The following FGFR4 variants were observed in gnomAD, a reference collection of about 807,000 sequenced individuals.
FGFR4 encodes fibroblast growth factor receptor 4.
In FGFR4, 63 loss-of-function variants were observed where a neutral mutation model predicts 89.9. The ratio of observed to expected loss-of-function variants is 0.70; its 90% CI spans 0.57 to 0.86. FGFR4 has a LOEUF of 0.86. Among genes scored for constraint, FGFR4 ranks in the 40% least tolerant of loss-of-function variants. The pLI, the probability that FGFR4 is intolerant of heterozygous loss-of-function variation, is 0.00. For missense variants in FGFR4, 928 were observed against 1,106.7 expected, an observed-to-expected ratio of 0.84 and a Z score of 2.29; for synonymous variants, 486 against 479.4, an observed-to-expected ratio of 1.01 and a Z score of -0.18.
Position 177,095,445 on chromosome 5 carries a change from G to A in FGFR4, c.1630+5G>A. 6.2e-7 allele frequency: 1 copy of A among 1,614,138 alleles called. No individual in the cohort carries two copies. Among genetic ancestry groups the A allele is most frequent in the Non-Finnish European group, 8.5e-7 (1 of 1,179,974 alleles). On this transcript the variant is annotated splice_donor_5th_base_variant and intron_variant, in intron 12 of 17. Coordinates refer to ENST00000292408, the MANE Select transcript of FGFR4 (RefSeq NM_213647.3). The surrounding 1 kb of genome is among the most constrained non-coding windows in gnomAD (Gnocchi z 5.7). The stretch of plus-strand genomic sequence containing the variant: ...TTGGTGTCTGCACCCAGGAAGGTGG[G>A]GCCGAGGCGGGGCTGGCTGCACGGG...
At chr5:177,092,220 G>A in intron 6 of FGFR4, 101 bp from the exon 7 acceptor site, 1 of 1,243,214 alleles carries the variant, frequency 8.0e-7, no homozygotes, top group Non-Finnish European at 1.1e-6. Context: ...AGAAGCTGCA[G>A]AAAGGTCCCT....
Position 177,090,412 on chromosome 5 carries a change from G to T in FGFR4, c.114G>T (p.Leu38=). 6.2e-7 allele frequency: 1 copy of T among 1,603,556 alleles called. No individual in the cohort carries two copies. Among genetic ancestry groups the T allele is most frequent in the Non-Finnish European group, 8.5e-7 (1 of 1,179,912 alleles). ...CAGAGCCCTGCCTGGCTCCCAGCCT[G>T]GAGCAGCAAGAGCAGGAGCTGACAG... The part of the protein sequence containing the change: ...VELEPCLAPS[L]EQQEQELTVA... The change falls in exon 3 of 18, where the codon CTG becomes CTT. Residue 38 remains leucine, a synonymous_variant. Transcript: ENST00000292408.
Position 177,095,770 on chromosome 5 carries a change from C to T in FGFR4, c.1821+47C>T. 1 of 1,491,874 alleles carries T rather than the reference C, an allele frequency of 6.7e-7. No homozygotes were observed. Among genetic ancestry groups the T allele is most frequent in the Non-Finnish European group, 8.9e-7 (1 of 1,117,956 alleles). The allele number at this position is 1,491,874 out of a possible 1,614,324, so 92.4% of individuals were successfully genotyped here. On this transcript the variant is annotated intron_variant, in intron 13 of 17. Coordinates refer to ENST00000292408, the MANE Select transcript of FGFR4 (RefSeq NM_213647.3). The surrounding 1 kb of genome is among the most constrained non-coding windows in gnomAD (Gnocchi z 5.7). ...GCCCCTCTCAGTCTCTCCAGCTCCA[C>T]TCTCAGGCCTGTGGCATTCAATGTC...
chr5:177,090,485 G>A lies in FGFR4; in HGVS notation c.187G>A (p.Gly63Ser), dbSNP rs1582008061. The change falls in exon 3 of 18, where the codon GGT (glycine) becomes AGT (serine). Residue 63 changes from glycine to serine, a missense_variant. Physicochemically the swap from Gly to Ser is moderately conservative, Grantham distance 56. Transcript: ENST00000292408. ...VRLCCGRAER[G>S]GHWYKEGSRL... is the part of the protein sequence containing the mutation. ...TCTGTGCTGTGGGCGGGCTGAGCGT[G>A]GTGGCCACTGGTACAAGGAGGGCAG... The A allele has an allele frequency of 6.3e-7, 1 of 1,588,250 alleles. No individual in the cohort carries two copies. Among genetic ancestry groups the A allele is most frequent in the Non-Finnish European group, 8.6e-7 (1 of 1,166,960 alleles).
At position 177,095,622 on chromosome 5, in the gene FGFR4, C is replaced by T. The variant is rs773674820; in HGVS notation, c.1720C>T (p.Pro574Ser). Residue 574 changes from proline to serine, a missense_variant, in exon 13 of 18, where the codon CCC becomes TCC. Pro to Ser is a moderately conservative substitution (Grantham distance 74, BLOSUM62 -1). This residue lies in a region of FGFR4 where 741 missense variants were observed against 836.9 expected (regional missense o/e 0.89). Transcript: ENST00000292408. The surrounding 1 kb of genome is among the most constrained non-coding windows in gnomAD (Gnocchi z 5.7). ...GCGCCCCCCAGGCCCCGACCTCAGC[C>T]CCGACGGTCCTCGGAGCAGTGAGGG... is the stretch of plus-strand genomic sequence containing the variant. Reference protein sequence around the residue: ...ARRPPGPDLSPDGPRSSEGPL... With the variant: ...ARRPPGPDLSSDGPRSSEGPL... 1 of 1,605,742 alleles carries T rather than the reference C, an allele frequency of 6.2e-7. No homozygotes were observed. The highest frequency in any genetic ancestry group is 2.2e-5 in the East Asian group (1 of 44,564).
At chr5:177,096,766 C>T in intron 16 of FGFR4, 25 bp downstream of exon 16, 2 of 1,557,100 alleles carry the variant, frequency 1.3e-6, no homozygotes, top group Non-Finnish European at 1.7e-6. Flanking sequence ...TGCCCTCGAC[C>T]CCACTTTCCA....
rs1784398864 is a variant in FGFR4 at position 177,092,409 on chromosome 5, G to A, written c.816G>A (p.Lys272=). The A allele has an allele frequency of 1.2e-6, 2 of 1,608,760 alleles. No homozygotes were observed. Among genetic ancestry groups the A allele is most frequent in the East Asian group, 2.2e-5 (1 of 44,678 alleles). ...GCAGCGACGTGGAGCTGCTGTGCAA[G>A]GTGTACAGCGATGCCCAGCCCCACA... is the stretch of plus-strand genomic sequence containing the variant. The part of the protein sequence containing the change: ...VVGSDVELLC[K]VYSDAQPHIQ... Residue 272 remains lysine (K), a synonymous_variant, in exon 7 of 18, where the codon AAG becomes AAA. Transcript: ENST00000292408.
Position 177,093,747 on chromosome 5 carries a change from C to G in FGFR4, c.1491C>G (p.Ala497=). 6.2e-7 allele frequency: 1 copy of G among 1,613,514 alleles called. No homozygotes were observed. Among genetic ancestry groups the G allele is most frequent in the Non-Finnish European group, 8.5e-7 (1 of 1,179,838 alleles). The part of the protein sequence containing the change: ...FGMDPARPDQ[A]STVAVKMLKD... ...TGGACCCTGCCCGGCCTGACCAAGC[C>G]AGCACTGTGGCCGTCAAGATGCTCA... The change falls in exon 11 of 18, where the codon GCC becomes GCG. Residue 497 remains alanine, a synonymous_variant. Coordinates refer to ENST00000292408, the MANE Select transcript of FGFR4 (RefSeq NM_213647.3). The surrounding 1 kb of genome is among the most constrained non-coding windows in gnomAD (Gnocchi z 5.8).
intron 11 of FGFR4, among the ~76,000 whole-genome samples, chr5:177,094,324 A>G (rs1784473541): frequency 1.3e-5 from 2 of 152,158 alleles, no homozygotes; most frequent in South Asian, 4.1e-4. Context: ...AGGATTGTGG[A>G]AAGTGCCTGG....
rs34158682 is a variant in FGFR4 at position 177,095,356 on chromosome 5, G to T, written c.1546G>T (p.Asp516Tyr). The T allele has an allele frequency of 2.5e-6, 4 of 1,614,020 alleles. No homozygotes were observed. The highest frequency in any genetic ancestry group is 2.7e-5 in the African/African-American group (2 of 74,904). Residue 516 changes from aspartate (D) to tyrosine (Y), a missense_variant, in exon 12 of 18, where the codon GAC becomes TAC. Around this residue, in one of 5 missense-constraint regions of FGFR4, gnomAD observed 741 missense variants for 836.9 expected, o/e 0.89. Coordinates refer to ENST00000292408, the MANE Select transcript of FGFR4 (RefSeq NM_213647.3). The surrounding 1 kb of genome is among the most constrained non-coding windows in gnomAD (Gnocchi z 5.7). The part of the protein sequence containing the change: ...KDNASDKDLA[D>Y]LVSEMEVMKL... ...CAACGCCTCTGACAAGGACCTGGCCGACCTGGTCTCGGAGATGGAGGTGAT... is the reference window on the plus strand; with the variant it reads ...CAACGCCTCTGACAAGGACCTGGCCTACCTGGTCTCGGAGATGGAGGTGAT...
chr5:177,095,335 G>C lies in FGFR4; in HGVS notation c.1525G>C (p.Ala509Pro). ...CCCGTCTGCTGCCCTTACAGACAAC[G>C]CCTCTGACAAGGACCTGGCCGACCT... is the stretch of plus-strand genomic sequence containing the variant. Reference protein sequence around the residue: ...TVAVKMLKDNASDKDLADLVS... With the variant: ...TVAVKMLKDNPSDKDLADLVS... Residue 509 changes from alanine (A) to proline (P), a missense_variant, in exon 12 of 18, where the codon GCC becomes CCC. Transcript: ENST00000292408. This position sits in a 1 kb window ranked among gnomAD's most constrained non-coding sequence, Gnocchi z 5.7. 1.2e-6 allele frequency: 2 copies of C among 1,614,074 alleles called. No homozygotes were observed. The highest frequency in any genetic ancestry group is 3.3e-5 in the Admixed American group (2 of 60,026).
Position 177,092,708 on chromosome 5 carries a change from C to T in FGFR4, c.981C>T (p.Asp327=), listed in dbSNP as rs570399481. 57 of 1,614,198 alleles carry T rather than the reference C, an allele frequency of 3.5e-5. No individual in the cohort carries two copies. The highest frequency in any genetic ancestry group is 1.6e-4 in the Middle Eastern group (1 of 6,062). The change falls in exon 8 of 18, where the codon GAC becomes GAT. Residue 327 remains aspartate, a synonymous_variant. Transcript: ENST00000292408. ...ACCTGCGGAACGTGTCAGCCGAGGA[C>T]GCAGGCGAGTACACCTGCCTCGCAG... is the stretch of plus-strand genomic sequence containing the variant. The part of the protein sequence containing the change: ...VLYLRNVSAE[D]AGEYTCLAGN...
chr5:177,093,462 G>C lies in FGFR4; in HGVS notation c.1308G>C (p.Val436=), dbSNP rs1420515601. The change falls in exon 10 of 18, where the codon GTG becomes GTC. Residue 436 remains valine (V), a synonymous_variant. Transcript: ENST00000292408. This position sits in a 1 kb window ranked among gnomAD's most constrained non-coding sequence, Gnocchi z 5.8. The part of the protein sequence containing the change: ...GKSSSSLVRG[V]RLSSSGPALL... ...CAAGCTCATCCCTGGTACGAGGCGTGCGTCTCTCCTCCAGCGGCCCCGCCT... is the reference window on the plus strand; with the variant it reads ...CAAGCTCATCCCTGGTACGAGGCGTCCGTCTCTCCTCCAGCGGCCCCGCCT... 1.9e-6 allele frequency: 3 copies of C among 1,613,930 alleles called. No homozygotes were observed. Among genetic ancestry groups the C allele is most frequent in the African/African-American group, 2.7e-5 (2 of 74,950 alleles).
chr5:177,096,838 C>G (rs1017294824), intron 16 of FGFR4, 97 bp downstream of exon 16: 4 of 1,408,508 alleles, frequency 2.8e-6, no homozygotes, highest in South Asian at 2.7e-5. Context: ...AAGGACAACA[C>G]TAACAACAAC....
intron 6 of FGFR4, among the ~76,000 whole-genome samples, chr5:177,092,028 C>T (rs1208568419): frequency 6.6e-5 from 10 of 152,162 alleles, no homozygotes; most frequent in Admixed American, 5.9e-4. Flanking sequence ...GGGCGCAGCC[C>T]GAGCGGAGGG....
At chr5:177,097,478 C>T in intron 17 of FGFR4, 49 bp from the exon 18 acceptor site, 1 of 1,603,536 alleles carries the variant, frequency 6.2e-7, no homozygotes, top group Non-Finnish European at 8.5e-7. Flanking sequence ...GACATGCGCC[C>T]CGTCCCATCC....
Position 177,091,679 on chromosome 5 carries a change from C to T in FGFR4, c.604-6C>T, listed in dbSNP as rs1024523339. 6.2e-7 allele frequency: 1 copy of T among 1,614,018 alleles called. No homozygotes were observed. Among genetic ancestry groups the T allele is most frequent in the Non-Finnish European group, 8.5e-7 (1 of 1,180,014 alleles). On this transcript the variant is annotated splice_polypyrimidine_tract_variant and splice_region_variant and intron_variant, in intron 5 of 17. Coordinates refer to ENST00000292408, the MANE Select transcript of FGFR4 (RefSeq NM_213647.3). ...CGGTGGTCCCGGACACTCTCTCTGC[C>T]TGCAGCTGCGCCATCAGCACTGGAG...
At position 177,095,217 on chromosome 5, in the gene FGFR4, C is replaced by T. The variant is rs1025619684; in HGVS notation, c.1520-113C>T. On this transcript the variant is annotated intron_variant, in intron 11 of 17. Coordinates refer to ENST00000292408, the MANE Select transcript of FGFR4 (RefSeq NM_213647.3). The surrounding 1 kb of genome is among the most constrained non-coding windows in gnomAD (Gnocchi z 5.7). Reference sequence around the variant, plus strand: ...AAGGCCACACAGCCTAGCAAGGATTCAGCCCTAGACCTACGTAGCCCTGGT... The same window carrying T: ...AAGGCCACACAGCCTAGCAAGGATTTAGCCCTAGACCTACGTAGCCCTGGT... 4 of 844,486 alleles carry T rather than the reference C, an allele frequency of 4.7e-6. No homozygotes were observed. The highest frequency in any genetic ancestry group is 8.0e-6 in the Non-Finnish European group (4 of 500,482). The allele number at this position is 844,486 out of a possible 1,614,324, so 52.3% of individuals were successfully genotyped here.
In FGFR4 at chr5:177,092,277, A is replaced by ATGGG. The variant is rs1562069415; in HGVS notation, c.728-41_728-38dup. 2 of 1,504,348 alleles carry ATGGG rather than the reference A, an allele frequency of 1.3e-6. 1 individual carries two copies. The highest frequency in any genetic ancestry group is 2.8e-5 in the African/African-American group (2 of 71,746). 93.2% of individuals were successfully genotyped at this position (1,504,348 alleles called of 1,614,324 possible). A position where few individuals can be genotyped will look rare whatever the true frequency, so the allele number is the denominator to read the frequency against. On this transcript the variant is annotated intron_variant, in intron 6 of 17. Coordinates refer to ENST00000292408, the MANE Select transcript of FGFR4 (RefSeq NM_213647.3). Reference sequence around the variant, plus strand: ...GGAGGGAGGCAAACAGGGTGCTTCTATGGGTGCCGGTGGTCAGGGTTGACT... The same window carrying ATGGG: ...GGAGGGAGGCAAACAGGGTGCTTCTATGGGTGGGTGCCGGTGGTCAGGGTTGACT...
Sources: allele counts gnomAD v4.1 joint callset (sites outside exome capture counted in the v4.1 genomes callset), GRCh38; gene constraint gnomAD v4.1.1; regional missense constraint gnomAD v4.1.1; non-coding constraint Gnocchi (gnomAD v3.1); transcripts MANE v1.5; gene names NCBI Gene and HGNC (gene_info 2026-07-23, HGNC 2026-07-21).